The following NPAS3 variants were observed in gnomAD, a reference collection of about 807,000 sequenced individuals.
NPAS3 encodes neuronal PAS domain protein 3.
NPAS3 carries 14 observed loss-of-function variants against 73.1 expected under a neutral mutation model. That is an observed-to-expected ratio of 0.19 (90% CI 0.13 to 0.30). NPAS3 has a LOEUF of 0.30. NPAS3 is among the 10% of genes least tolerant of loss of function. NPAS3 has a pLI of 1.00. For synonymous variants in NPAS3, 620 were observed against 541.5 expected (o/e 1.14, Z -2.01); for missense variants, 1,096 against 1,250.0 (o/e 0.88, Z 1.86).
chr14:33,583,480 G>A (rs2056755238), intron 5 of NPAS3: 1 of 152,048 alleles, frequency 6.6e-6, no homozygotes, highest in Non-Finnish European at 1.5e-5. Context: ...ATATCTTTCA[G>A]TAAACGATAT....
intron 4 of NPAS3, among the ~76,000 whole-genome samples, chr14:33,380,414 C>T (rs2140476844): frequency 6.6e-6 from 1 of 152,202 alleles, no homozygotes; most frequent in East Asian, 1.9e-4. Flanking sequence ...TGTAGCCATG[C>T]ACCTGTGGGC....
At chr14:33,216,378 G>A (rs559868734) in intron 3 of NPAS3, among the ~76,000 whole-genome samples, 3 of 152,230 alleles carry the variant, frequency 2.0e-5, no homozygotes, top group African/African-American at 7.2e-5. Context: ...GTACTAGTCG[G>A]GAGCTGTAAT....
At chr14:33,803,827 T>C (rs1000123607), downstream of NPAS3, 1 of 151,964 alleles carries the variant, frequency 6.6e-6, no homozygotes, top group Non-Finnish European at 1.5e-5. Flanking sequence ...AGCTGAATAA[T>C]GGGGAAAGGG....
intron 3 of NPAS3, among the ~76,000 whole-genome samples, chr14:33,307,742 C>T (rs1019381122): frequency 6.6e-6 from 1 of 152,138 alleles, no homozygotes; most frequent in Non-Finnish European, 1.5e-5. Context: ...ATTTAATATT[C>T]TCCAATCAGA....
intron 1 of NPAS3, among the ~76,000 whole-genome samples, chr14:33,017,347 G>C (rs960880891): frequency 6.6e-6 from 1 of 152,092 alleles, no homozygotes; most frequent in Non-Finnish European, 1.5e-5. Context: ...ACTGAACCTA[G>C]AGTAGAAAAA....
At chr14:33,634,946 A>G (rs2058474676) in intron 5 of NPAS3, among the ~76,000 whole-genome samples, 1 of 152,214 alleles carries the variant, frequency 6.6e-6, no homozygotes, top group Non-Finnish European at 1.5e-5. Context: ...CTACTGAATC[A>G]TAATTTCCGA....
At chr14:33,434,314 C>G (rs2048896520) in intron 4 of NPAS3, among the ~76,000 whole-genome samples, 1 of 151,906 alleles carries the variant, frequency 6.6e-6, no homozygotes, top group South Asian at 2.1e-4. Context: ...ATTACTTGAG[C>G]CTAGGAATTT....
rs191714317 is a variant in NPAS3 at position 33,607,049 on chromosome 14, C to T, written c.558+46839C>T. On this transcript the variant is annotated intron_variant, in intron 5 of 11. Transcript: ENST00000356141. Reference sequence around the variant, plus strand: ...TTCCACTGTGTACCTATTAGAATGGCTCAGTGTTGCCCAGGATGTGGTAGA... The same window carrying T: ...TTCCACTGTGTACCTATTAGAATGGTTCAGTGTTGCCCAGGATGTGGTAGA... Among the ~76,000 whole-genome samples the T allele has an allele frequency of 8.5e-5, 13 of 152,230 alleles. No homozygotes were observed. In the East Asian group the frequency reaches 2.3e-3, roughly 27 times the overall value.
At position 33,116,463 on chromosome 14, in the gene NPAS3, A is replaced by G. The variant is rs370998236; in HGVS notation, c.140+60469A>G. ...ATGTATATATATTTAACCTCCTTCC[A>G]AGTTATTTATTTGATAGACTGCATA... On this transcript the variant is annotated intron_variant, in intron 2 of 11. Transcript: ENST00000356141. 2.0e-3 allele frequency among the ~76,000 whole-genome samples: 297 copies of G among 152,196 alleles called. 2 individuals carry two copies. The highest frequency in any genetic ancestry group is 6.9e-3 in the African/African-American group (287 of 41,512).
At chr14:33,723,071 T>G (rs1197589426) in intron 6 of NPAS3, among the ~76,000 whole-genome samples, 1 of 152,188 alleles carries the variant, frequency 6.6e-6, no homozygotes, top group Non-Finnish European at 1.5e-5. Context: ...GGCCATTGTG[T>G]CAGACCCCAT....
intron 5 of NPAS3, among the ~76,000 whole-genome samples, chr14:33,624,620 T>C (rs2058171834): frequency 6.6e-6 from 1 of 152,084 alleles, no homozygotes; most frequent in South Asian, 2.1e-4. Flanking sequence ...AATCATCTTA[T>C]TTTAAACATA....
intron 7 of NPAS3, among the ~76,000 whole-genome samples, chr14:33,760,714 A>T (rs2062257738): frequency 6.6e-6 from 1 of 152,216 alleles, no homozygotes; most frequent in Non-Finnish European, 1.5e-5. Flanking sequence ...AGTTAAAAAA[A>T]AAAAAATCAA....
intron 3 of NPAS3, among the ~76,000 whole-genome samples, chr14:33,322,427 T>G (rs186718772): frequency 1.6e-3 from 237 of 152,254 alleles, no homozygotes; most frequent in African/African-American, 5.3e-3. Flanking sequence ...CCTGAGCAAT[T>G]ACGTTTTTGC....
intron 7 of NPAS3, among the ~76,000 whole-genome samples, chr14:33,755,521 G>A (rs933815764): frequency 1.1e-4 from 16 of 152,164 alleles, no homozygotes; most frequent in Non-Finnish European, 4.4e-5. Flanking sequence ...ATTGCCTCGG[G>A]GGAAAGGATT....
chr14:33,674,743 C>G (rs1567115257), intron 5 of NPAS3, among the ~76,000 whole-genome samples: 2 of 152,172 alleles, frequency 1.3e-5, no homozygotes, highest in African/African-American at 4.8e-5. Flanking sequence ...TTACGCGAGC[C>G]TTTTTCAGGA....
In NPAS3 at chr14:33,720,874, T is replaced by C. The variant is rs111583887; in HGVS notation, c.734-14340T>C. Among the ~76,000 whole-genome samples, 1,016 of 152,244 alleles carry C rather than the reference T, an allele frequency of 6.7e-3. 11 individuals are homozygous for C. Among genetic ancestry groups the C allele is most frequent in the African/African-American group, 0.022 (934 of 41,546 alleles). The stretch of plus-strand genomic sequence containing the variant: ...AATCATTTGTTAATCCATGGGGTGA[T>C]CTTCAGACTTCAGGAAAAAAAATAA... On this transcript the variant is annotated intron_variant, in intron 6 of 11. Coordinates refer to ENST00000356141, the Ensembl canonical transcript of NPAS3.
intron 1 of NPAS3, among the ~76,000 whole-genome samples, chr14:32,943,224 A>G (rs989282199): frequency 6.6e-6 from 1 of 151,968 alleles, no homozygotes; most frequent in African/African-American, 2.4e-5. Flanking sequence ...TAGTGTTATT[A>G]GTAAGGTTTT....
intron 5 of NPAS3, among the ~76,000 whole-genome samples, chr14:33,663,302 G>T (rs1231736754): frequency 6.6e-6 from 1 of 152,022 alleles, no homozygotes; most frequent in African/African-American, 2.4e-5. Flanking sequence ...TTTTATCGAA[G>T]GCCTTTATCT....
At chr14:33,005,289 A>C (rs1055963160) in intron 1 of NPAS3, among the ~76,000 whole-genome samples, 1 of 152,200 alleles carries the variant, frequency 6.6e-6, no homozygotes, top group Non-Finnish European at 1.5e-5. Flanking sequence ...AGTAGGTGAT[A>C]GGAATTTTTT....
Sources: gnomAD v4.1 joint callset for allele counts (sites outside exome capture counted in the v4.1 genomes callset) on GRCh38, gnomAD v4.1.1 for gene constraint, MANE v1.5 for transcripts, NCBI Gene and HGNC (gene_info 2026-07-23, HGNC 2026-07-21) for gene names.